Variants in ISM1 observed in about 807,000 individuals in gnomAD.
ISM1 encodes the protein isthmin 1.
In ISM1, 25 loss-of-function variants were observed where a neutral mutation model predicts 46.3. That is an observed-to-expected ratio of 0.54 (90% confidence interval 0.39 to 0.75). The LOEUF is 0.75. Among genes scored for constraint, ISM1 ranks in the 30% least tolerant of loss-of-function variants. The pLI, the probability that ISM1 is intolerant of heterozygous loss-of-function variation, is 0.00. For missense variants in ISM1, 536 were observed against 625.4 expected, an observed-to-expected ratio of 0.86 and a Z score of 1.52; for synonymous variants, 255 against 256.7, an observed-to-expected ratio of 0.99 and a Z score of 0.06.
chr20:13,310,112 C>CA, the ISM1 span, among the ~76,000 whole-genome samples: 4 of 152,104 alleles, frequency 2.6e-5, no homozygotes, highest in East Asian at 1.9e-4. Flanking sequence ...TATGGAAGCA[C>CA]AAAAAATACT....
chr20:13,261,748 TCTTAA>T (rs1568675472), intron 1 of ISM1, among the ~76,000 whole-genome samples: 1 of 152,192 alleles, frequency 6.6e-6, no homozygotes, highest in Admixed American at 6.5e-5. Flanking sequence ...CAATGAGGGT[TCTTAA>T]CTTTAGTGTT....
intron 1 of ISM1, among the ~76,000 whole-genome samples, chr20:13,266,718 C>T (rs6078970): frequency 6.6e-6 from 1 of 152,172 alleles, no homozygotes; most frequent in African/African-American, 2.4e-5. Context: ...TGATGCTTTC[C>T]TTAAATTCCC....
the ISM1 span, among the ~76,000 whole-genome samples, chr20:13,312,418 C>G: frequency 6.6e-6 from 1 of 152,210 alleles, no homozygotes. Context: ...CTTGCTGGTT[C>G]CTCCAAGAGA....
At chr20:13,225,067 A>C (rs573572167) in intron 1 of ISM1, among the ~76,000 whole-genome samples, 6 of 149,838 alleles carry the variant, frequency 4.0e-5, no homozygotes, top group South Asian at 4.2e-4. Flanking sequence ...GTTAGCCAGG[A>C]TGGTCTCACT....
At chr20:13,222,764 T>C (rs1310159241) in intron 1 of ISM1, among the ~76,000 whole-genome samples, 1 of 152,206 alleles carries the variant, frequency 6.6e-6, no homozygotes, top group Non-Finnish European at 1.5e-5. Context: ...TGCCGCTATG[T>C]TAGCGCCTTT....
intron 1 of ISM1, among the ~76,000 whole-genome samples, chr20:13,230,059 T>G (rs1248416034): frequency 2.0e-5 from 3 of 152,212 alleles, no homozygotes; most frequent in Non-Finnish European, 4.4e-5. Context: ...TTTATTCACT[T>G]CTACTCATAG....
chr20:13,254,190 G>A (rs999908643), intron 1 of ISM1, among the ~76,000 whole-genome samples: 9 of 151,712 alleles, frequency 5.9e-5, no homozygotes, highest in Non-Finnish European at 5.9e-5. Context: ...CCAAGATCAC[G>A]TCACTGCACC....
chr20:13,290,567 G>T lies in ISM1; in HGVS notation c.788-1807G>T, dbSNP rs1250934573. ...GGGAGGCTGAGGCAGGAGAATGGCA[G>T]GAACCCGGGAGGCGGAGCTTGCAGT... On this transcript the variant is annotated intron_variant, in intron 4 of 5. Coordinates refer to ENST00000262487, the MANE Select transcript of ISM1 (RefSeq NM_080826.2). Among the ~76,000 whole-genome samples the T allele has an allele frequency of 5.3e-5, 8 of 152,174 alleles. No individual in the cohort carries two copies. In the East Asian group the frequency reaches 7.7e-4, roughly 15 times the overall value.
chr20:13,263,761 C>A (rs1321593040), intron 1 of ISM1, among the ~76,000 whole-genome samples: 1 of 152,160 alleles, frequency 6.6e-6, no homozygotes, highest in Non-Finnish European at 1.5e-5. Context: ...AAAAAGGAAA[C>A]AAGCATTGTC....
intron 1 of ISM1, among the ~76,000 whole-genome samples, chr20:13,263,632 G>A (rs2040012876): frequency 6.6e-6 from 1 of 152,146 alleles, no homozygotes; most frequent in Admixed American, 6.5e-5. Flanking sequence ...AGACAAAATC[G>A]ATGCTCGGCA....
intron 1 of ISM1, among the ~76,000 whole-genome samples, chr20:13,264,499 T>A (rs1388478369): frequency 6.6e-6 from 1 of 152,294 alleles, no homozygotes; most frequent in African/African-American, 2.4e-5. Context: ...CTTCCTCCTA[T>A]TGTAGTGCTC....
chr20:13,244,394 A>T (rs1202558728), intron 1 of ISM1: 1 of 152,112 alleles, frequency 6.6e-6, no homozygotes, highest in Non-Finnish European at 1.5e-5. Flanking sequence ...ATGCAAAAAA[A>T]AAAAAAACCA....
intron 1 of ISM1, among the ~76,000 whole-genome samples, chr20:13,259,036 A>G (rs1378379194): frequency 6.6e-6 from 1 of 152,106 alleles, no homozygotes; most frequent in Non-Finnish European, 1.5e-5. Flanking sequence ...TAATCCCAAC[A>G]CTTTGGGAGG....
Position 13,288,405 on chromosome 20 carries a change from C to T in ISM1, c.644-135C>T, listed in dbSNP as rs2040316055. The T allele has an allele frequency of 3.3e-6, 3 of 905,464 alleles. No individual in the cohort carries two copies. The South Asian group carries it at 5.3e-5, about 16-fold the overall frequency. The allele number at this position is 905,464 out of a possible 1,614,324, so 56.1% of individuals were successfully genotyped here. On this transcript the variant is annotated intron_variant, in intron 3 of 5. Coordinates refer to ENST00000262487, the MANE Select transcript of ISM1 (RefSeq NM_080826.2). ...CCTGGAGCTGTAAACCTTTTAGCTC[C>T]AGCTGAAAAGTCCTCTCCAGCAATC...
At chr20:13,243,764 C>T (rs2039760069) in intron 1 of ISM1, among the ~76,000 whole-genome samples, 2 of 152,320 alleles carry the variant, frequency 1.3e-5, no homozygotes, top group Middle Eastern at 3.4e-3. Context: ...CTATGTCTAT[C>T]CATTAACTAA....
intron 1 of ISM1, among the ~76,000 whole-genome samples, chr20:13,233,449 G>A (rs1600484009): frequency 6.6e-6 from 1 of 152,014 alleles, no homozygotes; most frequent in Non-Finnish European, 1.5e-5. Context: ...TACAAAATTA[G>A]CCGGGCGTGG....
chr20:13,288,994 G>A (rs2040324240), intron 4 of ISM1, among the ~76,000 whole-genome samples: 1 of 152,032 alleles, frequency 6.6e-6, no homozygotes, highest in African/African-American at 2.4e-5. Flanking sequence ...CACCATGTTG[G>A]CCAGGTTGGT....
At chr20:13,267,909 C>T (rs777946089) in intron 1 of ISM1, among the ~76,000 whole-genome samples, 78 of 152,208 alleles carry the variant, frequency 5.1e-4, no homozygotes, top group Non-Finnish European at 1.0e-3. Context: ...AATTCTGGGC[C>T]CCTTCCAAGA....
At chr20:13,243,511 C>A (rs1392221112) in intron 1 of ISM1, among the ~76,000 whole-genome samples, 1 of 152,174 alleles carries the variant, frequency 6.6e-6, no homozygotes, top group Non-Finnish European at 1.5e-5. Context: ...CTGCAGTGTT[C>A]CACACTTAGG....
Sources: allele counts gnomAD v4.1 joint callset (sites outside exome capture counted in the v4.1 genomes callset), GRCh38; gene constraint gnomAD v4.1.1; transcripts MANE v1.5; gene names NCBI Gene and HGNC (gene_info 2026-07-23, HGNC 2026-07-21).